Variants in MUC6 observed in about 807,000 individuals in gnomAD.
MUC6 encodes mucin-6.
Under a neutral mutation model 201.5 loss-of-function variants are expected in MUC6, and 188 were observed. The ratio of observed to expected loss-of-function variants is 0.93; its 90% CI spans 0.83 to 1.05. MUC6 has a LOEUF of 1.05. Ranked by LOEUF, MUC6 falls within the 50% of genes least tolerant of loss-of-function variation. MUC6 has a pLI of 0.00. For missense variants in MUC6, 2,706 were observed against 3,256.9 expected, an observed-to-expected ratio of 0.83 and a Z score of 4.12; for synonymous variants, 1,228 against 1,389.4, an observed-to-expected ratio of 0.88 and a Z score of 2.58.
chr11:1,033,319 A>G lies in MUC6; in HGVS notation c.53-244T>C. On this transcript the variant is annotated intron_variant, in intron 1 of 32. Coordinates refer to ENST00000421673, the MANE Select transcript of MUC6 (RefSeq NM_005961.3). This position sits in a 1 kb window ranked among gnomAD's most constrained non-coding sequence, Gnocchi z 5.6. ...CTCCCTCGTTTGTCCACTCAGTCCC[A>G]GTTCAGCCGTCAGCCCCTCGGGGTT... 1 of 565,402 alleles carries G rather than the reference A, an allele frequency of 1.8e-6. No homozygotes were observed. The highest frequency in any genetic ancestry group is 2.2e-5 in the South Asian group (1 of 45,892). 35.0% of individuals were successfully genotyped at this position (565,402 alleles called of 1,614,324 possible).
At position 1,015,680 on chromosome 11, in the gene MUC6, G is replaced by A. The variant is rs76101770; in HGVS notation, c.7039+82C>T. 4.3e-3 allele frequency: 6,384 copies of A among 1,493,254 alleles called. 232 individuals are homozygous for A. In the African/African-American group the frequency reaches 0.075, roughly 18 times the overall value. The allele number at this position is 1,493,254 out of a possible 1,614,324, so 92.5% of individuals were successfully genotyped here. A position where few individuals can be genotyped will look rare whatever the true frequency, so the allele number is the denominator to read the frequency against. ...TGGTCCTGGGATCACAGGACCATGA[G>A]GGGTAAGCTGAGGCAGGGGCTGCCT... On this transcript the variant is annotated intron_variant, in intron 31 of 32. Transcript: ENST00000421673.
At chr11:1,019,912 T>C (rs1856769261) in intron 29 of MUC6, 178 bp downstream of exon 29, 2 of 856,944 alleles carry the variant, frequency 2.3e-6, no homozygotes, top group Non-Finnish European at 3.8e-6. Context: ...AGCTTGTCTT[T>C]AAAAGTTTTT....
rs370119737 is a variant in MUC6 at position 1,022,011 on chromosome 11, A to C, written c.3527-734T>G. On this transcript the variant is annotated intron_variant, in intron 26 of 32. Coordinates refer to ENST00000421673, the MANE Select transcript of MUC6 (RefSeq NM_005961.3). ...CCTCCCGGCCACACCCCACCCCACA[A>C]GTCTGTGTACCCCACACCCCTCTGC... Among the ~76,000 whole-genome samples the C allele has an allele frequency of 2.2e-3, 323 of 144,722 alleles. 3 individuals are homozygous for C. The highest frequency in any genetic ancestry group is 8.9e-3 in the African/African-American group (309 of 34,680). The allele number at this position is 144,722 out of a possible 152,430, so 94.9% of individuals were successfully genotyped here. A position where few individuals can be genotyped will look rare whatever the true frequency, so the allele number is the denominator to read the frequency against.
chr11:1,028,598 C>T (rs781346236), intron 13 of MUC6, 48 bp downstream of exon 13: 2 of 1,590,394 alleles, frequency 1.3e-6, no homozygotes, highest in Non-Finnish European at 1.7e-6. Context: ...CATGGCCAGA[C>T]CCTGTAGGGA....
chr11:1,023,032 TGA>T (rs1405752269), intron 26 of MUC6, among the ~76,000 whole-genome samples: 1 of 147,096 alleles, frequency 6.8e-6, no homozygotes, highest in Non-Finnish European at 1.5e-5. Context: ...GTGAATGTGT[TGA>T]GTGAATGTGC....
chr11:1,033,162 GT>G lies in MUC6; in HGVS notation c.53-88del. 1 of 1,330,526 alleles carries G rather than the reference GT, an allele frequency of 7.5e-7. No individual in the cohort carries two copies. The highest frequency in any genetic ancestry group is 1.2e-5 in the South Asian group (1 of 85,084). The allele number at this position is 1,330,526 out of a possible 1,614,324, so 82.4% of individuals were successfully genotyped here. On this transcript the variant is annotated intron_variant, in intron 1 of 32. Coordinates refer to ENST00000421673, the MANE Select transcript of MUC6 (RefSeq NM_005961.3). This position sits in a 1 kb window ranked among gnomAD's most constrained non-coding sequence, Gnocchi z 5.6. ...ACCTCTGCTCAGGGCTGCTCCGCCC[GT>G]TTCCCTGCACACACTCGGCGTGCGA...
At chr11:1,029,935 G>A (rs1003368643) in intron 8 of MUC6, among the ~76,000 whole-genome samples, 2 of 152,234 alleles carry the variant, frequency 1.3e-5, no homozygotes, top group South Asian at 2.1e-4. Flanking sequence ...TGTCCCTTGG[G>A]CCCGGCTCAA....
At chr11:1,026,595 C>T (rs895701757) in intron 19 of MUC6, 117 bp from the exon 20 acceptor site, 17 of 1,250,570 alleles carry the variant, frequency 1.4e-5, no homozygotes, top group Non-Finnish European at 1.8e-5. Context: ...TGAATACAGC[C>T]CTGCTCTGTG....
At chr11:1,013,750 CAG>C (rs1309742838) in intron 32 of MUC6, 117 bp from the exon 33 acceptor site, 6 of 1,392,466 alleles carry the variant, frequency 4.3e-6, no homozygotes, top group African/African-American at 1.4e-5. Context: ...TCCCGGCTCA[CAG>C]GGGCCAGGGC....
In MUC6 at chr11:1,027,003, CG is replaced by C; in HGVS notation, c.2331del (p.Glu778ArgfsTer134). ...PKTFKSCSQS[S>X]ENKFGAACAP... ...GCACAGGCTGCCCCAAACTTGTTCT[CG>C]GAGGACTGGCTGCAGGACTTGAAGG... On this transcript the variant is annotated frameshift_variant, in exon 19 of 33. Transcript: ENST00000421673. LOFTEE classifies it high-confidence loss of function. The C allele has an allele frequency of 1.2e-6, 2 of 1,602,972 alleles. No homozygotes were observed. Among genetic ancestry groups the C allele is most frequent in the Non-Finnish European group, 1.7e-6 (2 of 1,175,540 alleles).
intron 32 of MUC6, 83 bp downstream of exon 32, chr11:1,013,816 T>G (rs998843599): frequency 6.8e-7 from 1 of 1,460,364 alleles, no homozygotes; most frequent in African/African-American, 1.4e-5. Flanking sequence ...AGCAGGCGCC[T>G]GGGTGGGGTG....
At chr11:1,019,146 T>C (rs1856750869) in intron 30 of MUC6, 129 bp downstream of exon 30, 1 of 1,123,900 alleles carries the variant, frequency 8.9e-7, no homozygotes, top group Non-Finnish European at 1.3e-6. Flanking sequence ...AGCCTACACT[T>C]TTGGGCTGCC....
In MUC6 at chr11:1,019,331, G is replaced by A; in HGVS notation, c.3974C>T (p.Thr1325Ile). 2 of 1,614,044 alleles carry A rather than the reference G, an allele frequency of 1.2e-6. No homozygotes were observed. The highest frequency in any genetic ancestry group is 1.7e-6 in the Non-Finnish European group (2 of 1,179,900). Residue 1325 changes from threonine to isoleucine, a missense_variant, in exon 30 of 33, where the codon ACA (threonine) becomes ATA (isoleucine). Transcript: ENST00000421673. ...GGTTGGTAGTGTCATTGTGGTCCGT[G>A]TTGTGGACTGAGCTGTGGACGTCGT... ...PATTSTAQSTTRTTMTLPTPA... is the reference protein window; with the variant it reads ...PATTSTAQSTIRTTMTLPTPA...
intron 16 of MUC6, 39 bp downstream of exon 16, chr11:1,027,646 G>T: frequency 6.3e-7 from 1 of 1,577,796 alleles, no homozygotes; most frequent in Admixed American, 1.8e-5. Flanking sequence ...CGTGAGCCCA[G>T]CCTGCCGTGA....
At position 1,013,431 on chromosome 11, in the gene MUC6, C is replaced by A; in HGVS notation, c.*25G>T. The A allele has an allele frequency of 6.4e-7, 1 of 1,553,900 alleles. No individual in the cohort carries two copies. On this transcript the variant is annotated 3_prime_UTR_variant, in exon 33 of 33. Transcript: ENST00000421673. ...TGTCTGTCATCTGCAGTCCTTCAGC[C>A]CCAGGAGAGCAGGCAGCGACCCTGC...
At chr11:1,022,055 C>T (rs1455895581) in intron 26 of MUC6, among the ~76,000 whole-genome samples, 3 of 142,290 alleles carry the variant, frequency 2.1e-5, no homozygotes, top group East Asian at 2.0e-4. Context: ...GCCCCTCACT[C>T]GCTCCCTCTG....
chr11:1,021,229 A>T lies in MUC6; in HGVS notation c.3575T>A (p.Val1192Glu). 6.3e-7 allele frequency: 1 copy of T among 1,586,612 alleles called. No individual in the cohort carries two copies. The highest frequency in any genetic ancestry group is 8.6e-7 in the Non-Finnish European group (1 of 1,167,682). The change falls in exon 27 of 33, where the codon GTG becomes GAG. Residue 1192 changes from valine to glutamate, a missense_variant. This residue lies in a region of MUC6 where 1,850 missense variants were observed against 1,958.3 expected (regional missense o/e 0.94). Transcript: ENST00000421673. ...ACTGGACTTACTGCAGGGCACGCACACCCCCTCCTCGTGGTCGAAGTACTC... is the reference window on the plus strand; with the variant it reads ...ACTGGACTTACTGCAGGGCACGCACTCCCCCTCCTCGTGGTCGAAGTACTC... Reference protein sequence around the residue: ...QDEYFDHEEGVCVPCMPPTTP... With the variant: ...QDEYFDHEEGECVPCMPPTTP...
chr11:1,024,039 T>A lies in MUC6; in HGVS notation c.3290A>T (p.Asp1097Val). The A allele has an allele frequency of 6.2e-7, 1 of 1,605,502 alleles. No homozygotes were observed. The highest frequency in any genetic ancestry group is 1.3e-5 in the African/African-American group (1 of 74,754). ...CACGGCATCGCACAGACACTCACAG[T>A]CCCCGCCACTGTCACACCCACATGC... ...RDACGCDSGG[D>V]CECLCDAVAA... The change falls in exon 25 of 33, where the codon GAC becomes GTC. Residue 1097 changes from aspartate to valine, a missense_variant. This residue lies in a region of MUC6 where 1,850 missense variants were observed against 1,958.3 expected (regional missense o/e 0.94). Transcript: ENST00000421673.
At chr11:1,036,335 C>T (rs945819930) in intron 1 of MUC6, among the ~76,000 whole-genome samples, 4 of 152,196 alleles carry the variant, frequency 2.6e-5, no homozygotes, top group African/African-American at 7.2e-5. Context: ...AGCGTCCTCC[C>T]CCGCTGGCTG....
Sources: gnomAD v4.1 joint callset for allele counts (sites outside exome capture counted in the v4.1 genomes callset) on GRCh38, gnomAD v4.1.1 for gene constraint, gnomAD v4.1.1 regional missense constraint, Gnocchi (gnomAD v3.1) non-coding constraint, MANE v1.5 for transcripts, NCBI Gene and HGNC (gene_info 2026-07-23, HGNC 2026-07-21) for gene names.